The following ABLIM1 variants were observed in gnomAD, a reference collection of about 807,000 sequenced individuals.
The protein encoded by ABLIM1 is actin binding LIM protein 1.
Under a neutral mutation model 107.0 loss-of-function variants are expected in ABLIM1, and 40 were observed. The observed-to-expected ratio is 0.37, with a 90% CI of 0.29 to 0.49. The LOEUF (loss-of-function observed/expected upper bound fraction) is 0.49. Among genes scored for constraint, ABLIM1 ranks in the 20% least tolerant of loss-of-function variants. ABLIM1 has a pLI of 0.97. For missense variants in ABLIM1, 857 were observed against 1,008.5 expected (o/e 0.85, Z 2.04); for synonymous variants, 357 against 357.3 (o/e 1.00, Z 0.01).
At chr10:114,734,947 G>A (rs1042245362) in intron 1 of ABLIM1, among the ~76,000 whole-genome samples, 1 of 152,176 alleles carries the variant, frequency 6.6e-6, no homozygotes, top group Non-Finnish European at 1.5e-5. Flanking sequence ...GCTTTAAAGT[G>A]AGAACATGCT....
chr10:114,617,171 C>G (rs552610944), intron 1 of ABLIM1, among the ~76,000 whole-genome samples: 8 of 151,738 alleles, frequency 5.3e-5, no homozygotes, highest in Non-Finnish European at 1.0e-4. Flanking sequence ...TAGTGAAGGG[C>G]GTTCAGCCTC....
chr10:114,733,387 G>A (rs1485161717), intron 1 of ABLIM1, among the ~76,000 whole-genome samples: 1 of 152,172 alleles, frequency 6.6e-6, no homozygotes, highest in Admixed American at 6.5e-5. Flanking sequence ...CATGGGGCTT[G>A]AGCATATGTA....
intron 1 of ABLIM1, among the ~76,000 whole-genome samples, chr10:114,736,665 G>T (rs537032373): frequency 2.2e-3 from 332 of 152,284 alleles, no homozygotes; most frequent in Middle Eastern, 0.01. Flanking sequence ...CCAACATATA[G>T]AGAGAAATAT....
chr10:114,787,626 G>A, the ABLIM1 span, among the ~76,000 whole-genome samples: 1 of 145,976 alleles, frequency 6.9e-6, no homozygotes, highest in Non-Finnish European at 1.5e-5. Context: ...CGGGAGGTGA[G>A]GGGTGCCTCT....
At chr10:114,728,093 AGTCG>A (rs2081997123) in intron 1 of ABLIM1, among the ~76,000 whole-genome samples, 1 of 152,250 alleles carries the variant, frequency 6.6e-6, no homozygotes, top group African/African-American at 2.4e-5. Flanking sequence ...AGATACTAAT[AGTCG>A]GTTCACAACT....
chr10:114,544,039 C>G (rs892332284), intron 6 of ABLIM1, among the ~76,000 whole-genome samples: 1 of 152,232 alleles, frequency 6.6e-6, no homozygotes, highest in African/African-American at 2.4e-5. Flanking sequence ...ACGGAAGAGA[C>G]AGCACAGCCC....
At chr10:114,762,407 G>T (rs1337987665) in intron 1 of ABLIM1, among the ~76,000 whole-genome samples, 1 of 152,222 alleles carries the variant, frequency 6.6e-6, no homozygotes, top group African/African-American at 2.4e-5. Flanking sequence ...TACATACTGA[G>T]CCCTATTAAC....
At chr10:114,718,081 G>A (rs2081736466) in intron 1 of ABLIM1, among the ~76,000 whole-genome samples, 1 of 90,614 alleles carries the variant, frequency 1.1e-5, no homozygotes, top group South Asian at 4.2e-4. Flanking sequence ...AAGGAAGGAA[G>A]GAAGGAAGGA....
chr10:114,678,066 T>C (rs1179759496), intron 1 of ABLIM1, among the ~76,000 whole-genome samples: 1 of 152,218 alleles, frequency 6.6e-6, no homozygotes, highest in Non-Finnish European at 1.5e-5. Flanking sequence ...TACACACATC[T>C]AGGTCATATC....
At chr10:114,532,869 G>C (rs1367363618) in intron 6 of ABLIM1, among the ~76,000 whole-genome samples, 1 of 152,146 alleles carries the variant, frequency 6.6e-6, no homozygotes, top group Non-Finnish European at 1.5e-5. Flanking sequence ...AGTCAGGCTG[G>C]CTTGGGTGTA....
intron 22 of ABLIM1, 49 bp from the exon 23 acceptor site, chr10:114,436,422 C>T (rs1162318965): frequency 2.2e-6 from 3 of 1,385,280 alleles, no homozygotes; most frequent in Non-Finnish European, 3.0e-6. Context: ...CTGATGGCCA[C>T]ACAAATGGCC....
At chr10:114,513,909 T>C (rs1198845642) in intron 6 of ABLIM1, among the ~76,000 whole-genome samples, 1 of 152,140 alleles carries the variant, frequency 6.6e-6, no homozygotes, top group African/African-American at 2.4e-5. Context: ...CCAAGATACA[T>C]ATACTCCTGA....
chr10:114,453,822 A>C (rs1047933296), intron 12 of ABLIM1, among the ~76,000 whole-genome samples: 1 of 152,176 alleles, frequency 6.6e-6, no homozygotes, highest in Non-Finnish European at 1.5e-5. Context: ...CTCATGATTC[A>C]GGATCAGTTG....
intron 7 of ABLIM1, among the ~76,000 whole-genome samples, chr10:114,491,012 G>GTGTCTATATATATA: frequency 2.2e-5 from 2 of 92,396 alleles, no homozygotes; most frequent in Non-Finnish European, 3.9e-5. Context: ...GTGTGTGTGT[G>GTGTCTATATATATA]TATATATATA....
At chr10:114,620,427 T>C (rs1206934971) in intron 1 of ABLIM1, among the ~76,000 whole-genome samples, 2 of 152,102 alleles carry the variant, frequency 1.3e-5, no homozygotes, top group Non-Finnish European at 2.9e-5. Context: ...TTTTTTTTCT[T>C]CAGAAGAAGT....
At chr10:114,543,884 T>A (rs2066991660) in intron 6 of ABLIM1, among the ~76,000 whole-genome samples, 1 of 152,192 alleles carries the variant, frequency 6.6e-6, no homozygotes, top group Admixed American at 6.5e-5. Flanking sequence ...GGCAACTGCA[T>A]TTGACCACAA....
intron 8 of ABLIM1, among the ~76,000 whole-genome samples, chr10:114,475,332 G>A (rs2056166240): frequency 6.6e-6 from 1 of 152,172 alleles, no homozygotes. Context: ...GGACCTCCCT[G>A]ATTCAATCCA....
chr10:114,610,602 G>A (rs573214362), intron 1 of ABLIM1: 1 of 152,278 alleles, frequency 6.6e-6, no homozygotes, highest in East Asian at 1.9e-4. Context: ...TTAAATAAAT[G>A]CATAGAGTGC....
chr10:114,670,731 C>T (rs1171340148), intron 1 of ABLIM1, among the ~76,000 whole-genome samples: 22 of 152,180 alleles, frequency 1.4e-4, no homozygotes, highest in Admixed American at 1.3e-3. Flanking sequence ...TGGGCCCAAG[C>T]GATGAGAAGT....
Sources: allele counts gnomAD v4.1 joint callset (sites outside exome capture counted in the v4.1 genomes callset), GRCh38; gene constraint gnomAD v4.1.1; transcripts MANE v1.5; gene names NCBI Gene and HGNC (gene_info 2026-07-23, HGNC 2026-07-21).